DIP2C: variants seen among roughly 807,000 people sequenced by gnomAD.
DIP2C encodes the protein DIP2 acetate--CoA ligase C (putative).
Under a neutral mutation model 192.4 loss-of-function variants are expected in DIP2C, and 33 were observed. The ratio of observed to expected loss-of-function variants is 0.17; its 90% CI spans 0.13 to 0.23. The LOEUF is 0.23. Among genes scored for constraint, DIP2C ranks in the 10% least tolerant of loss-of-function variants. DIP2C has a pLI of 1.00. For missense variants in DIP2C, 1,537 were observed against 2,110.1 expected (o/e 0.73, Z 5.32); for synonymous variants, 979 against 864.1 (o/e 1.13, Z -2.33).
chr10:656,919 G>A (rs1207757843), intron 1 of DIP2C, among the ~76,000 whole-genome samples: 2 of 152,210 alleles, frequency 1.3e-5, no homozygotes, highest in African/African-American at 4.8e-5. Flanking sequence ...TAAAGCAAAT[G>A]CTTAACATCC....
At chr10:523,690 G>C (rs1846873832) in intron 1 of DIP2C, among the ~76,000 whole-genome samples, 1 of 149,656 alleles carries the variant, frequency 6.7e-6, no homozygotes. Flanking sequence ...CAGGGACTCT[G>C]TGTCACCCAC....
In DIP2C at chr10:281,259, C is replaced by T; in HGVS notation, c.4359G>A (p.Arg1453=). Residue 1453 remains arginine (R), a synonymous_variant, in exon 36 of 37, where the codon CGG becomes CGA. Transcript: ENST00000280886. ...AGGTCTCAATGTCGATTGGGTGGTA[C>T]CGCATGCCCCGCAGCTCCATGGCTT... The part of the protein sequence containing the change: ...LDEAMELRGM[R]YHPIDIETSV... The T allele has an allele frequency of 6.2e-7, 1 of 1,614,204 alleles. No homozygotes were observed. The highest frequency in any genetic ancestry group is 8.5e-7 in the Non-Finnish European group (1 of 1,180,040).
At position 644,675 on chromosome 10, in the gene DIP2C, A is replaced by G. The variant is rs546572401; in HGVS notation, c.85+44819T>C. 2.6e-5 allele frequency among the ~76,000 whole-genome samples: 4 copies of G among 151,528 alleles called. No homozygotes were observed. In the South Asian group the frequency reaches 8.4e-4, roughly 32 times the overall value. On this transcript the variant is annotated intron_variant, in intron 1 of 36. Coordinates refer to ENST00000280886, the MANE Select transcript of DIP2C (RefSeq NM_014974.3). ...AACACGGCCCCCAAATCTCAGACGTAGGGTTCAGCAACACGGCCCACCATA... is the reference window on the plus strand; with the variant it reads ...AACACGGCCCCCAAATCTCAGACGTGGGGTTCAGCAACACGGCCCACCATA...
At chr10:530,860 T>C (rs1025698932) in intron 1 of DIP2C, among the ~76,000 whole-genome samples, 1 of 152,038 alleles carries the variant, frequency 6.6e-6, no homozygotes, top group Non-Finnish European at 1.5e-5. Flanking sequence ...CCTGTACAGT[T>C]TGTTAACCAG....
At chr10:604,556 C>G (rs776987531) in intron 1 of DIP2C, among the ~76,000 whole-genome samples, 1 of 152,258 alleles carries the variant, frequency 6.6e-6, no homozygotes, top group Non-Finnish European at 1.5e-5. Flanking sequence ...CGCAAGCGTG[C>G]GGACACGCAC....
chr10:344,783 C>T lies in DIP2C; in HGVS notation c.3453+26G>A. 6 of 1,559,086 alleles carry T rather than the reference C, an allele frequency of 3.8e-6. No homozygotes were observed. The South Asian group carries it at 7.1e-5, about 18-fold the overall frequency. Reference sequence around the variant, plus strand: ...GCACGCTCCGCAGTTGCCTCCATGGCCACCGCCCGCAGCCACCCCCCTCAC... The same window carrying T: ...GCACGCTCCGCAGTTGCCTCCATGGTCACCGCCCGCAGCCACCCCCCTCAC... On this transcript the variant is annotated intron_variant, in intron 28 of 36. Coordinates refer to ENST00000280886, the MANE Select transcript of DIP2C (RefSeq NM_014974.3).
chr10:544,915 C>T (rs1012530964), intron 1 of DIP2C, among the ~76,000 whole-genome samples: 2 of 152,102 alleles, frequency 1.3e-5, no homozygotes, highest in African/African-American at 4.8e-5. Flanking sequence ...AATTTTGATA[C>T]TGTCTTTTCC....
chr10:428,466 G>A (rs985499575), intron 4 of DIP2C, among the ~76,000 whole-genome samples: 2 of 152,296 alleles, frequency 1.3e-5, no homozygotes, highest in East Asian at 3.9e-4. Flanking sequence ...TTTAAAAAAT[G>A]TCTTTCCATG....
intron 1 of DIP2C, among the ~76,000 whole-genome samples, chr10:511,230 TC>T (rs1269279954): frequency 6.6e-6 from 1 of 152,160 alleles, no homozygotes; most frequent in Admixed American, 6.5e-5. Context: ...AGCGTGGAGT[TC>T]CTGCAAACTC....
chr10:468,441 A>G (rs139427372), intron 3 of DIP2C, among the ~76,000 whole-genome samples: 1 of 152,230 alleles, frequency 6.6e-6, no homozygotes, highest in Admixed American at 6.5e-5. Context: ...GGTGCGCTCC[A>G]TATGCCAATC....
Position 288,053 on chromosome 10 carries a change from G to A in DIP2C, c.4044+311C>T, listed in dbSNP as rs1051265444. Reference sequence around the variant, plus strand: ...GGAATGTGGAAATGATGGCTGGAGCGGAAGCAGCCGCTTCAGCTCCTGAGG... The same window carrying A: ...GGAATGTGGAAATGATGGCTGGAGCAGAAGCAGCCGCTTCAGCTCCTGAGG... On this transcript the variant is annotated intron_variant, in intron 33 of 36. Transcript: ENST00000280886. 7.2e-5 allele frequency among the ~76,000 whole-genome samples: 11 copies of A among 152,208 alleles called. 1 individual carries two copies. The East Asian group carries it at 7.7e-4, about 11-fold the overall frequency.
At chr10:472,341 C>T (rs1027610949) in intron 3 of DIP2C, 98 bp downstream of exon 3, 19 of 1,126,310 alleles carry the variant, frequency 1.7e-5, no homozygotes, top group Admixed American at 1.9e-5. Flanking sequence ...TGCAGGTCCA[C>T]GCCCACTGCA....
chr10:598,340 A>G (rs1851841435), intron 1 of DIP2C, among the ~76,000 whole-genome samples: 1 of 152,260 alleles, frequency 6.6e-6, no homozygotes, highest in African/African-American at 2.4e-5. Context: ...CATCGCACCA[A>G]GAGACCCCTG....
intron 7 of DIP2C, 67 bp downstream of exon 7, chr10:415,702 A>C: frequency 6.3e-7 from 1 of 1,578,898 alleles, no homozygotes. Context: ...CCTTGCAGAA[A>C]AAAATATCAT....
chr10:312,175 T>A (rs930894543), intron 31 of DIP2C, among the ~76,000 whole-genome samples: 2 of 152,186 alleles, frequency 1.3e-5, no homozygotes, highest in Non-Finnish European at 2.9e-5. Flanking sequence ...ATGTGCTCTG[T>A]TGCTGTTCCC....
At chr10:439,675 GT>G (rs1275751955) in intron 4 of DIP2C, among the ~76,000 whole-genome samples, 1 of 152,122 alleles carries the variant, frequency 6.6e-6, no homozygotes, top group Non-Finnish European at 1.5e-5. Context: ...TTTAAGTTCT[GT>G]CCTATCAATC....
chr10:532,727 G>A (rs1331040049), intron 1 of DIP2C, among the ~76,000 whole-genome samples: 1 of 113,300 alleles, frequency 8.8e-6, no homozygotes, highest in Non-Finnish European at 2.1e-5. Flanking sequence ...GTGTGAGAGA[G>A]AGTATGGGTG....
chr10:309,560 CTTTT>C (rs766027771), intron 32 of DIP2C, among the ~76,000 whole-genome samples: 14 of 137,134 alleles, frequency 1.0e-4, no homozygotes, highest in Middle Eastern at 3.8e-3. Context: ...AACAGAGTTT[CTTTT>C]TTTTTTTTTT....
At chr10:619,287 A>T (rs1486067781) in intron 1 of DIP2C, among the ~76,000 whole-genome samples, 5 of 152,132 alleles carry the variant, frequency 3.3e-5, no homozygotes, top group Non-Finnish European at 7.3e-5. Flanking sequence ...ACACGAACTT[A>T]TTTTCTCACA....
Sources: allele counts gnomAD v4.1 joint callset (sites outside exome capture counted in the v4.1 genomes callset), GRCh38; gene constraint gnomAD v4.1.1; transcripts MANE v1.5; gene names NCBI Gene and HGNC (gene_info 2026-07-23, HGNC 2026-07-21).